TAFA5: variants seen among roughly 807,000 people sequenced by gnomAD.
TAFA5 encodes the protein chemokine-like protein TAFA-5.
TAFA5 carries 6 observed loss-of-function variants against 15.3 expected under a neutral mutation model. The observed-to-expected ratio is 0.39, with a 90% CI of 0.21 to 0.77. The LOEUF is 0.77. Ranked by LOEUF, TAFA5 falls within the 30% of genes least tolerant of loss-of-function variation. The pLI is 0.41. For missense variants in TAFA5, 161 were observed against 193.1 expected, an observed-to-expected ratio of 0.83 and a Z score of 0.98; for synonymous variants, 103 against 80.7, an observed-to-expected ratio of 1.28 and a Z score of -1.48.
intron 2 of TAFA5, among the ~76,000 whole-genome samples, chr22:48,667,290 C>T (rs986719567): frequency 4.8e-5 from 7 of 145,764 alleles, no homozygotes; most frequent in East Asian, 2.3e-4. Flanking sequence ...TACCACCTAA[C>T]GGTGTGATGA....
At chr22:48,548,426 G>C (rs1461686336) in intron 1 of TAFA5, among the ~76,000 whole-genome samples, 1 of 152,154 alleles carries the variant, frequency 6.6e-6, no homozygotes, top group East Asian at 1.9e-4. Context: ...TTTGAGATTG[G>C]GTGCCTGTCT....
chr22:48,656,462 C>T lies in TAFA5; in HGVS notation c.262+9716C>T, dbSNP rs563321716. ...CGGAGGTTGCAGTGAGCCGAGATCGCGTCACTGAACTCCAGCCTGGTGACA... is the reference window on the plus strand; with the variant it reads ...CGGAGGTTGCAGTGAGCCGAGATCGTGTCACTGAACTCCAGCCTGGTGACA... On this transcript the variant is annotated intron_variant, in intron 2 of 3. Transcript: ENST00000402357. 4.0e-5 allele frequency among the ~76,000 whole-genome samples: 6 copies of T among 151,178 alleles called. No homozygotes were observed. In the South Asian group the frequency reaches 8.4e-4, roughly 21 times the overall value.
intron 2 of TAFA5, among the ~76,000 whole-genome samples, chr22:48,697,057 T>C (rs911244142): frequency 1.3e-5 from 2 of 152,206 alleles, no homozygotes; most frequent in Non-Finnish European, 2.9e-5. Flanking sequence ...CAGGCACATG[T>C]TCCCTGGGCA....
intron 2 of TAFA5, among the ~76,000 whole-genome samples, chr22:48,693,001 C>T (rs1340487038): frequency 1.3e-5 from 2 of 152,196 alleles, no homozygotes; most frequent in Non-Finnish European, 2.9e-5. Context: ...TCCGCGAGCC[C>T]GTGCTCACTA....
intron 3 of TAFA5, among the ~76,000 whole-genome samples, chr22:48,743,733 G>A (rs1930248321): frequency 6.6e-6 from 1 of 152,232 alleles, no homozygotes; most frequent in Non-Finnish European, 1.5e-5. Flanking sequence ...GCCCAGCTGT[G>A]TTGGGGGAGC....
At chr22:48,650,899 A>T (rs1927031619) in intron 2 of TAFA5, among the ~76,000 whole-genome samples, 1 of 152,050 alleles carries the variant, frequency 6.6e-6, no homozygotes. Context: ...CTAGCTGTTT[A>T]TGCAGACGCG....
chr22:48,655,180 C>T (rs1333622788), intron 2 of TAFA5, among the ~76,000 whole-genome samples: 4 of 152,180 alleles, frequency 2.6e-5, no homozygotes, highest in African/African-American at 9.7e-5. Flanking sequence ...TCCAGCCCTG[C>T]CCAGACCCCC....
At chr22:48,616,052 C>T (rs539940361) in intron 1 of TAFA5, among the ~76,000 whole-genome samples, 10 of 152,194 alleles carry the variant, frequency 6.6e-5, no homozygotes, top group African/African-American at 2.4e-4. Flanking sequence ...AGGGGTCATC[C>T]TTTCCTTTGA....
Position 48,489,756 on chromosome 22 carries a change from C to G in TAFA5, c.112+52C>G, listed in dbSNP as rs1928074821. 9.5e-6 allele frequency: 11 copies of G among 1,162,106 alleles called. No individual in the cohort carries two copies. Among genetic ancestry groups the G allele is most frequent in the African/African-American group, 1.6e-5 (1 of 60,766 alleles). 72.0% of individuals were successfully genotyped at this position (1,162,106 alleles called of 1,614,324 possible). Reference sequence around the variant, plus strand: ...GCACGGCCCTCTGGGCCCCGGACCCCCTCCTCCGGCCCCGGCAGGCGCCCC... The same window carrying G: ...GCACGGCCCTCTGGGCCCCGGACCCGCTCCTCCGGCCCCGGCAGGCGCCCC... On this transcript the variant is annotated intron_variant, in intron 1 of 3. Coordinates refer to ENST00000402357, the MANE Select transcript of TAFA5 (RefSeq NM_001082967.3). The surrounding 1 kb of genome is among the most constrained non-coding windows in gnomAD (Gnocchi z 5.5).
chr22:48,654,727 C>T (rs1222648942), intron 2 of TAFA5, among the ~76,000 whole-genome samples: 1 of 152,204 alleles, frequency 6.6e-6, no homozygotes, highest in Non-Finnish European at 1.5e-5. Context: ...TAATAACTGT[C>T]TGGCGTGGAG....
chr22:48,737,408 C>A (rs1332549963), intron 3 of TAFA5, among the ~76,000 whole-genome samples: 1 of 152,144 alleles, frequency 6.6e-6, no homozygotes, highest in Non-Finnish European at 1.5e-5. Context: ...CGCCCCTGAG[C>A]CTGCCCTGCT....
At chr22:48,704,682 G>T (rs1156601664) in intron 2 of TAFA5, among the ~76,000 whole-genome samples, 1 of 151,970 alleles carries the variant, frequency 6.6e-6, no homozygotes, top group Non-Finnish European at 1.5e-5. Context: ...TTTTCTCGGA[G>T]GGAGACACTG....
intron 1 of TAFA5, among the ~76,000 whole-genome samples, chr22:48,495,427 G>A (rs1035468246): frequency 6.6e-6 from 1 of 152,144 alleles, no homozygotes; most frequent in African/African-American, 2.4e-5. Context: ...CTGTGTTCTG[G>A]TGGGTTCTTC....
intron 3 of TAFA5, among the ~76,000 whole-genome samples, chr22:48,740,430 C>G (rs1365408320): frequency 2.0e-5 from 3 of 152,348 alleles, no homozygotes; most frequent in African/African-American, 7.2e-5. Context: ...AGCCTTCACT[C>G]TCTGGTTGCA....
In TAFA5 at chr22:48,707,987, C is replaced by T; in HGVS notation, c.390+143C>T. ...AGAGAGGCCAGGGCCCTGTCTCCTC[C>T]CCCACCTCCCTCTCTGGTGCTAAAT... On this transcript the variant is annotated intron_variant, in intron 3 of 3. Transcript: ENST00000402357. 4 of 1,084,590 alleles carry T rather than the reference C, an allele frequency of 3.7e-6. 1 individual carries two copies. The South Asian group carries it at 4.6e-5, about 12-fold the overall frequency. 67.2% of individuals were successfully genotyped at this position (1,084,590 alleles called of 1,614,324 possible). A position where few individuals can be genotyped will look rare whatever the true frequency, so the allele number is the denominator to read the frequency against.
In TAFA5 at chr22:48,530,217, A is replaced by C. The variant is rs1436815312; in HGVS notation, c.112+40513A>C. ...CCATTTTTGCATGCATGAGAACTTG[A>C]GTGTAAGTCTCCTCTGCTCCCCTCC... On this transcript the variant is annotated intron_variant, in intron 1 of 3. Transcript: ENST00000402357. This position sits in a 1 kb window ranked among gnomAD's most constrained non-coding sequence, Gnocchi z 6.0. Among the ~76,000 whole-genome samples the C allele has an allele frequency of 6.6e-6, 1 of 151,972 alleles. No individual in the cohort carries two copies. The highest frequency in any genetic ancestry group is 1.5e-5 in the Non-Finnish European group (1 of 67,990).
chr22:48,581,465 C>T (rs906639087), intron 1 of TAFA5, among the ~76,000 whole-genome samples: 6 of 152,176 alleles, frequency 3.9e-5, no homozygotes, highest in Admixed American at 2.6e-4. Context: ...GAAAGCCGTG[C>T]GGAGAATGGT....
At chr22:48,654,636 C>T (rs8135393) in intron 2 of TAFA5, among the ~76,000 whole-genome samples, 75,772 of 152,044 alleles carry the variant, frequency 0.5, 19,594 homozygotes, top group Non-Finnish European at 0.57. Context: ...CTTTCCCATC[C>T]GAATCACTCC....
chr22:48,655,509 G>A lies in TAFA5; in HGVS notation c.262+8763G>A, dbSNP rs528466825. Among the ~76,000 whole-genome samples the A allele has an allele frequency of 2.6e-5, 4 of 152,312 alleles. No individual in the cohort carries two copies. The East Asian group carries it at 7.7e-4, about 29-fold the overall frequency. On this transcript the variant is annotated intron_variant, in intron 2 of 3. Coordinates refer to ENST00000402357, the MANE Select transcript of TAFA5 (RefSeq NM_001082967.3). The stretch of plus-strand genomic sequence containing the variant: ...GCTCCATCCTCACGTGGTGGAAGGT[G>A]GAAGGGCAGAAGGGGGCCAGGCTCC...
Sources: gnomAD v4.1 joint callset for allele counts (sites outside exome capture counted in the v4.1 genomes callset) on GRCh38, gnomAD v4.1.1 for gene constraint, Gnocchi (gnomAD v3.1) non-coding constraint, MANE v1.5 for transcripts, NCBI Gene and HGNC (gene_info 2026-07-23, HGNC 2026-07-21) for gene names.